Variants in SUPT3H observed in about 807,000 individuals in gnomAD.
SUPT3H encodes transcription initiation protein SPT3 homolog.
A neutral mutation model predicts 44.3 loss-of-function variants in SUPT3H; 44 were observed. The observed-to-expected ratio is 0.99, with a 90% CI of 0.78 to 1.28. The LOEUF is 1.28. SUPT3H is among the 50% of genes most tolerant of loss of function. SUPT3H has a pLI of 0.00. For synonymous variants in SUPT3H, 124 were observed against 125.6 expected, an observed-to-expected ratio of 0.99 and a Z score of 0.09; for missense variants, 380 against 387.1, an observed-to-expected ratio of 0.98 and a Z score of 0.15.
chr6:44,971,462 T>C (rs1326070134), intron 6 of SUPT3H, among the ~76,000 whole-genome samples: 1 of 152,132 alleles, frequency 6.6e-6, no homozygotes, highest in Non-Finnish European at 1.5e-5. Context: ...CACATCCTTC[T>C]TCACGTGATG....
chr6:45,002,255 C>A (rs1374668141), intron 6 of SUPT3H, among the ~76,000 whole-genome samples: 1 of 151,658 alleles, frequency 6.6e-6, no homozygotes, highest in Non-Finnish European at 1.5e-5. Flanking sequence ...ACCCTGCTGA[C>A]CCCCAGTTTT....
Position 45,105,996 on chromosome 6 carries a change from CT to C in SUPT3H, c.111del (p.Gly38ValfsTer14), listed in dbSNP as rs1562469885. On this transcript the variant is annotated frameshift_variant, in exon 3 of 11. Transcript: ENST00000371459. LOFTEE classifies it high-confidence loss of function. Reference protein sequence around the residue: ...ATELQSMMYSLGDARRPLHET... With the variant: ...ATELQSMMYSXGDARRPLHET... ...TCATGAAGAGGCCTTCTAGCATCAC[CT>C]AAAGAATACCTGCAAAATAATTTTA... is the stretch of plus-strand genomic sequence containing the variant. The C allele has an allele frequency of 1.2e-6, 2 of 1,613,372 alleles. No individual in the cohort carries two copies. Among genetic ancestry groups the C allele is most frequent in the Non-Finnish European group, 1.7e-6 (2 of 1,179,604 alleles).
intron 2 of SUPT3H, chr6:45,328,515 G>C: frequency 1.3e-6 from 2 of 1,546,834 alleles, no homozygotes; most frequent in Admixed American, 1.8e-5. Flanking sequence ...TCAAATATTT[G>C]CTCATTCTCT....
intron 2 of SUPT3H, among the ~76,000 whole-genome samples, chr6:45,243,760 A>G (rs1770825506): frequency 6.6e-6 from 1 of 152,240 alleles, no homozygotes; most frequent in East Asian, 1.9e-4. Flanking sequence ...AAATTTTCCA[A>G]TAAATATCAT....
chr6:45,186,904 C>A (rs1814305589), intron 2 of SUPT3H, among the ~76,000 whole-genome samples: 1 of 151,898 alleles, frequency 6.6e-6, no homozygotes, highest in Admixed American at 6.6e-5. Flanking sequence ...CGGTTTATTA[C>A]CATTAGGTCA....
intron 2 of SUPT3H, among the ~76,000 whole-genome samples, chr6:45,284,077 G>A (rs1264127755): frequency 6.6e-6 from 1 of 152,114 alleles, no homozygotes; most frequent in Non-Finnish European, 1.5e-5. Flanking sequence ...CAGAATCTCT[G>A]GGACACATTC....
chr6:44,898,695 C>G (rs1002869763), intron 10 of SUPT3H: 9 of 152,422 alleles, frequency 5.9e-5, no homozygotes, highest in African/African-American at 2.2e-4. Context: ...GCCACAGGGC[C>G]TGGCCGCCTG....
chr6:45,310,398 C>T (rs568100692), intron 2 of SUPT3H, among the ~76,000 whole-genome samples: 2 of 152,200 alleles, frequency 1.3e-5, no homozygotes, highest in Admixed American at 6.5e-5. Flanking sequence ...AGGGCCCCAC[C>T]CACTGCTGAT....
chr6:45,370,477 T>C (rs1002535604), intron 1 of SUPT3H, among the ~76,000 whole-genome samples: 12 of 152,094 alleles, frequency 7.9e-5, no homozygotes, highest in African/African-American at 2.4e-4. Context: ...TGCAGAAGCT[T>C]TGTGAGAGAT....
chr6:45,179,031 A>C (rs1284985687), intron 2 of SUPT3H, among the ~76,000 whole-genome samples: 1 of 152,176 alleles, frequency 6.6e-6, no homozygotes, highest in Non-Finnish European at 1.5e-5. Flanking sequence ...ACGCAATAAA[A>C]AATGATAAAG....
intron 6 of SUPT3H, among the ~76,000 whole-genome samples, chr6:44,999,583 G>T (rs548168412): frequency 6.6e-6 from 1 of 152,064 alleles, no homozygotes; most frequent in South Asian, 2.1e-4. Flanking sequence ...CCTTGGAGTT[G>T]TACGATTTTA....
At chr6:44,838,949 T>TAGGCA (rs1561862890) in intron 10 of SUPT3H, among the ~76,000 whole-genome samples, 14 of 152,324 alleles carry the variant, frequency 9.2e-5, no homozygotes, top group Admixed American at 2.0e-4. Flanking sequence ...CCATGGACAT[T>TAGGCA]TACAATAATA....
intron 10 of SUPT3H, among the ~76,000 whole-genome samples, chr6:44,914,162 G>C (rs1374744370): frequency 2.0e-5 from 3 of 152,142 alleles, no homozygotes; most frequent in Admixed American, 1.3e-4. Context: ...TAACCATGAA[G>C]ATTAAATGTT....
intron 10 of SUPT3H, among the ~76,000 whole-genome samples, chr6:44,923,882 T>A (rs866032009): frequency 1.3e-5 from 2 of 151,948 alleles, no homozygotes; most frequent in South Asian, 2.1e-4. Flanking sequence ...CAGTTGGCAA[T>A]GTAGACTCAT....
intron 2 of SUPT3H, among the ~76,000 whole-genome samples, chr6:45,345,234 A>C (rs1488156571): frequency 6.6e-6 from 1 of 152,170 alleles, no homozygotes; most frequent in Non-Finnish European, 1.5e-5. Context: ...ACTTCTGTTC[A>C]CTTGATTGTT....
intron 3 of SUPT3H, among the ~76,000 whole-genome samples, chr6:45,103,279 T>A (rs1798839213): frequency 6.6e-6 from 1 of 152,162 alleles, no homozygotes; most frequent in Non-Finnish European, 1.5e-5. Context: ...GCATCAAAAC[T>A]ATCATTCAAA....
At chr6:45,017,393 T>G (rs1394967318) in intron 4 of SUPT3H, among the ~76,000 whole-genome samples, 2 of 151,242 alleles carry the variant, frequency 1.3e-5, no homozygotes, top group Admixed American at 1.3e-4. Flanking sequence ...CCATTGCTTT[T>G]GGTGTTTTAG....
chr6:44,924,913 T>C (rs938614289), intron 10 of SUPT3H, among the ~76,000 whole-genome samples: 6 of 152,140 alleles, frequency 3.9e-5, no homozygotes, highest in African/African-American at 1.4e-4. Context: ...TGAAAATTAT[T>C]CTAATATTTT....
At chr6:45,136,293 G>C (rs1345353612) in intron 2 of SUPT3H, among the ~76,000 whole-genome samples, 1 of 152,102 alleles carries the variant, frequency 6.6e-6, no homozygotes, top group African/African-American at 2.4e-5. Context: ...TTGGGTGACA[G>C]ACTTAGTCTA....
Sources: gnomAD v4.1 joint callset for allele counts (sites outside exome capture counted in the v4.1 genomes callset) on GRCh38, gnomAD v4.1.1 for gene constraint, MANE v1.5 for transcripts, NCBI Gene and HGNC (gene_info 2026-07-23, HGNC 2026-07-21) for gene names.